Variants in CDH18 observed in about 807,000 individuals in gnomAD.
CDH18 encodes the protein cadherin-18.
Under a neutral mutation model 67.9 loss-of-function variants are expected in CDH18, and 31 were observed. The observed-to-expected ratio is 0.46, with a 90% CI of 0.34 to 0.62. CDH18 has a LOEUF of 0.62. CDH18 is among the 20% of genes least tolerant of loss of function. The pLI, the probability that CDH18 is intolerant of heterozygous loss-of-function variation, is 0.01. For synonymous variants in CDH18, 362 were observed against 347.2 expected (o/e 1.04, Z -0.48); for missense variants, 890 against 975.5 (o/e 0.91, Z 1.17).
chr5:19,964,209 T>A (rs1797203135), intron 2 of CDH18, among the ~76,000 whole-genome samples: 1 of 152,090 alleles, frequency 6.6e-6, no homozygotes, highest in Non-Finnish European at 1.5e-5. Context: ...AGATATATGT[T>A]GTTTCATAAT....
At chr5:19,831,434 TA>T (rs1781022437) in intron 3 of CDH18, among the ~76,000 whole-genome samples, 1 of 151,968 alleles carries the variant, frequency 6.6e-6, no homozygotes, top group Non-Finnish European at 1.5e-5. Flanking sequence ...ACAACCCTAT[TA>T]AAAATGGGAC....
In CDH18 at chr5:19,763,994, C is replaced by CAAAAAAA. The variant is rs60958986; in HGVS notation, c.229-16765_229-16759dup. On this transcript the variant is annotated intron_variant, in intron 3 of 12. Coordinates refer to ENST00000382275, the MANE Select transcript of CDH18 (RefSeq NM_004934.5). ...TGAAACCTCGTCTCTACTAAAAATA[C>CAAAAAAA]AAAAAAAAAAAAAAAAAAAAAAAAT... Among the ~76,000 whole-genome samples the CAAAAAAA allele has an allele frequency of 1.4e-4, 9 of 65,302 alleles. 1 individual carries two copies. The highest frequency in any genetic ancestry group is 2.5e-4 in the Admixed American group (1 of 4,078). The allele number at this position is 65,302 out of a possible 152,430, so 42.8% of individuals were successfully genotyped here.
intron 1 of CDH18, among the ~76,000 whole-genome samples, chr5:20,403,151 T>C (rs1045504573): frequency 5.3e-5 from 8 of 152,288 alleles, no homozygotes; most frequent in African/African-American, 1.9e-4. Context: ...CCTCACCTAT[T>C]TGTTTTACTA....
intron 5 of CDH18, among the ~76,000 whole-genome samples, chr5:19,616,093 T>C (rs1264234551): frequency 1.3e-5 from 2 of 152,152 alleles, no homozygotes; most frequent in Non-Finnish European, 2.9e-5. Context: ...TCTGAAATTG[T>C]GAACAGTGTT....
rs185889514 is a variant in CDH18, at chr5:20,499,491, G to A, written c.-580+75971C>T. Among the ~76,000 whole-genome samples the A allele has an allele frequency of 2.1e-3, 327 of 152,128 alleles. 4 individuals carry two copies. The highest frequency in any genetic ancestry group is 7.6e-3 in the African/African-American group (316 of 41,538). ...AGGGCTGACTGCGTAAAAACTGGGG[G>A]CTATAAAGTCTTTGCCTCACAATTC... is the stretch of plus-strand genomic sequence containing the variant. On this transcript the variant is annotated intron_variant, in intron 1 of 14. Transcript: ENST00000507958.
chr5:19,911,141 T>C (rs997503041), intron 2 of CDH18, among the ~76,000 whole-genome samples: 1 of 152,102 alleles, frequency 6.6e-6, no homozygotes, highest in Non-Finnish European at 1.5e-5. Context: ...GCATGGAGTA[T>C]GGAGACCTAA....
intron 3 of CDH18, among the ~76,000 whole-genome samples, chr5:19,747,961 A>C (rs1236645578): frequency 1.3e-5 from 2 of 150,780 alleles, no homozygotes; most frequent in African/African-American, 4.9e-5. Flanking sequence ...GTACAAAAAA[A>C]AACTAGCCGG....
chr5:20,237,418 T>C (rs1742561221), intron 2 of CDH18, among the ~76,000 whole-genome samples: 2 of 151,864 alleles, frequency 1.3e-5, no homozygotes, highest in South Asian at 4.1e-4. Flanking sequence ...TGATTATCCA[T>C]GTAGAAAAAT....
At position 19,983,032 on chromosome 5, in the gene CDH18, C is replaced by CG. The variant is rs1317887193; in HGVS notation, c.-375-1855dup. On this transcript the variant is annotated intron_variant, in intron 1 of 12. Coordinates refer to ENST00000382275, the MANE Select transcript of CDH18 (RefSeq NM_004934.5). ...TGGGCGACAGAGCAAGACTCCATCT[C>CG]GAAAAAAAAAAAAAAAAAGCCAAAA... 3.3e-4 allele frequency among the ~76,000 whole-genome samples: 21 copies of CG among 63,320 alleles called. No homozygotes were observed. In the East Asian group the frequency reaches 0.016, roughly 47 times the overall value. The allele number at this position is 63,320 out of a possible 152,430, so 41.5% of individuals were successfully genotyped here.
chr5:20,414,226 C>G (rs1031493090), intron 1 of CDH18, among the ~76,000 whole-genome samples: 1 of 152,164 alleles, frequency 6.6e-6, no homozygotes, highest in Admixed American at 6.5e-5. Context: ...GACAACTGCA[C>G]TTTTATGTTT....
intron 1 of CDH18, among the ~76,000 whole-genome samples, chr5:20,504,633 G>T (rs1025008814): frequency 6.6e-6 from 1 of 152,030 alleles, no homozygotes; most frequent in African/African-American, 2.4e-5. Flanking sequence ...GTGCAGTGAT[G>T]CTTTAATAGA....
intron 6 of CDH18, among the ~76,000 whole-genome samples, chr5:19,608,304 AC>A (rs1341805892): frequency 6.6e-6 from 1 of 151,764 alleles, no homozygotes; most frequent in African/African-American, 2.4e-5. Context: ...TAATAAAATG[AC>A]CCAGATATCA....
intron 8 of CDH18, among the ~76,000 whole-genome samples, chr5:19,557,350 G>A (rs1738622234): frequency 6.6e-6 from 1 of 151,958 alleles, no homozygotes; most frequent in South Asian, 2.1e-4. Context: ...GAATGGCAGA[G>A]TGCATAAAAA....
intron 4 of CDH18, among the ~76,000 whole-genome samples, chr5:19,730,710 ACT>A (rs1767474630): frequency 6.6e-6 from 1 of 151,478 alleles, no homozygotes; most frequent in African/African-American, 2.4e-5. Context: ...ACTATTTCTG[ACT>A]CTGAATTTAT....
intron 1 of CDH18, among the ~76,000 whole-genome samples, chr5:20,502,723 C>A (rs566682038): frequency 1.6e-4 from 25 of 152,164 alleles, no homozygotes; most frequent in Middle Eastern, 6.8e-3. Context: ...ATCCTTAGAA[C>A]AATTCTTCTG....
intron 1 of CDH18, among the ~76,000 whole-genome samples, chr5:20,360,634 C>T (rs1345680303): frequency 6.6e-6 from 1 of 152,172 alleles, no homozygotes; most frequent in Non-Finnish European, 1.5e-5. Flanking sequence ...CTTTATCCTT[C>T]ATCACAATAG....
chr5:20,486,675 A>AT (rs11461266), intron 1 of CDH18, among the ~76,000 whole-genome samples: 128,003 of 145,076 alleles, frequency 0.88, 57,341 homozygotes, highest in South Asian at 0.98. Flanking sequence ...ACCTGTTGCT[A>AT]TTTTTGTATA....
At chr5:20,022,100 G>A (rs568468436) in intron 2 of CDH18, among the ~76,000 whole-genome samples, 2 of 152,178 alleles carry the variant, frequency 1.3e-5, no homozygotes, top group South Asian at 4.2e-4. Flanking sequence ...TTATCCTAAT[G>A]TTCTTCCAAC....
intron 2 of CDH18, among the ~76,000 whole-genome samples, chr5:19,924,638 C>T (rs533933011): frequency 3.9e-5 from 6 of 152,004 alleles, no homozygotes; most frequent in Non-Finnish European, 8.8e-5. Flanking sequence ...AACTAACAAA[C>T]AAACAAACAA....
Sources: gnomAD v4.1 joint callset for allele counts (sites outside exome capture counted in the v4.1 genomes callset) on GRCh38, gnomAD v4.1.1 for gene constraint, MANE v1.5 for transcripts, NCBI Gene and HGNC (gene_info 2026-07-23, HGNC 2026-07-21) for gene names.